GFOD1: variants seen among roughly 807,000 people sequenced by gnomAD.
The protein encoded by GFOD1 is glucose-fructose oxidoreductase domain-containing protein 1.
Under a neutral mutation model 25.4 loss-of-function variants are expected in GFOD1, and 9 were observed. That is an observed-to-expected ratio of 0.35 (90% CI 0.21 to 0.62). The LOEUF (loss-of-function observed/expected upper bound fraction) is 0.62, where lower values mean the gene tolerates loss of function less well. Among genes scored for constraint, GFOD1 ranks in the 20% least tolerant of loss-of-function variants. The pLI is 0.72. For synonymous variants in GFOD1, 253 were observed against 245.6 expected (o/e 1.03, Z -0.28); for missense variants, 403 against 556.9 (o/e 0.72, Z 2.78).
intron 1 of GFOD1, among the ~76,000 whole-genome samples, chr6:13,440,354 A>G (rs1012399173): frequency 3.9e-5 from 6 of 152,012 alleles, no homozygotes; most frequent in Non-Finnish European, 7.4e-5. Flanking sequence ...ACGCTCAGCT[A>G]ATTTTTGTAT....
chr6:13,480,221 G>C (rs1023495146), intron 1 of GFOD1, among the ~76,000 whole-genome samples: 4 of 152,216 alleles, frequency 2.6e-5, no homozygotes, highest in Non-Finnish European at 5.9e-5. Flanking sequence ...TGGAAACCCT[G>C]TGGCCTTACT....
At chr6:13,405,029 G>T (rs1475650798) in intron 1 of GFOD1, among the ~76,000 whole-genome samples, 3 of 152,166 alleles carry the variant, frequency 2.0e-5, no homozygotes, top group Non-Finnish European at 4.4e-5. Flanking sequence ...CCTTACATCA[G>T]TACCTGGTCC....
intron 1 of GFOD1, among the ~76,000 whole-genome samples, chr6:13,367,140 T>C (rs1467132835): frequency 1.3e-5 from 2 of 152,156 alleles, no homozygotes; most frequent in East Asian, 3.8e-4. Flanking sequence ...TGTATTATTA[T>C]TAAAAATCAT....
At chr6:13,449,338 T>A (rs1455037508) in intron 1 of GFOD1, among the ~76,000 whole-genome samples, 1 of 152,148 alleles carries the variant, frequency 6.6e-6, no homozygotes, top group Non-Finnish European at 1.5e-5. Context: ...GGTCCATAAA[T>A]GATGCGACAG....
At chr6:13,418,460 T>C (rs1786198272) in intron 1 of GFOD1, among the ~76,000 whole-genome samples, 1 of 152,214 alleles carries the variant, frequency 6.6e-6, no homozygotes, top group Non-Finnish European at 1.5e-5. Context: ...AAGTTTTATT[T>C]TTTTATCTCA....
chr6:13,386,006 G>A (rs1166531300), intron 1 of GFOD1, among the ~76,000 whole-genome samples: 1 of 151,118 alleles, frequency 6.6e-6, no homozygotes. Flanking sequence ...AAGACTCCAT[G>A]ACTCCATTCC....
chr6:13,408,211 A>ATT, intron 1 of GFOD1: 1 of 451,076 alleles, frequency 2.2e-6, no homozygotes, highest in Non-Finnish European at 2.9e-6. Context: ...CTTGGGCCAG[A>ATT]CTATGGCAGG....
At chr6:13,478,321 G>C (rs1247795843) in intron 1 of GFOD1, among the ~76,000 whole-genome samples, 3 of 152,100 alleles carry the variant, frequency 2.0e-5, no homozygotes, top group Admixed American at 6.6e-5. Context: ...TATATTTTTA[G>C]TAGAGACAGG....
intron 1 of GFOD1, among the ~76,000 whole-genome samples, chr6:13,388,040 G>A (rs145536995): frequency 0.011 from 1,694 of 152,216 alleles, 29 homozygotes; most frequent in African/African-American, 0.039. Context: ...AAAATACCTA[G>A]GAATCCAACT....
chr6:13,428,085 G>T (rs187618113), intron 1 of GFOD1, among the ~76,000 whole-genome samples: 3 of 152,316 alleles, frequency 2.0e-5, no homozygotes, highest in East Asian at 1.9e-4. Flanking sequence ...AGACTCACAG[G>T]TCTAAGCATC....
At chr6:13,373,304 G>C (rs1429280613) in intron 1 of GFOD1, among the ~76,000 whole-genome samples, 1 of 152,188 alleles carries the variant, frequency 6.6e-6, no homozygotes, top group Non-Finnish European at 1.5e-5. Flanking sequence ...GCATGCATAG[G>C]AGCTTGCCTA....
intron 1 of GFOD1, among the ~76,000 whole-genome samples, chr6:13,447,479 G>A (rs1265475612): frequency 6.6e-6 from 1 of 152,144 alleles, no homozygotes; most frequent in African/African-American, 2.4e-5. Context: ...GCTCACGCCT[G>A]TAATTCCAAC....
intron 1 of GFOD1, among the ~76,000 whole-genome samples, chr6:13,424,455 T>C (rs1378978034): frequency 3.3e-5 from 5 of 152,322 alleles, no homozygotes; most frequent in South Asian, 2.1e-4. Context: ...ACTTACCCCA[T>C]TGAGTACAAA....
At chr6:13,378,014 C>T (rs1785287686) in intron 1 of GFOD1, among the ~76,000 whole-genome samples, 1 of 152,110 alleles carries the variant, frequency 6.6e-6, no homozygotes, top group Non-Finnish European at 1.5e-5. Flanking sequence ...AGGGCCAGAG[C>T]CTCAGTCTTG....
rs57203835 is a variant in GFOD1 at position 13,486,258 on chromosome 6, C to G, written c.253+380G>C. 2.4e-5 allele frequency: 6 copies of G among 247,636 alleles called. No individual in the cohort carries two copies. The East Asian group carries it at 5.6e-4, about 23-fold the overall frequency. 15.3% of individuals were successfully genotyped at this position (247,636 alleles called of 1,614,324 possible). A position where few individuals can be genotyped will look rare whatever the true frequency, so the allele number is the denominator to read the frequency against. ...CCTCCACCCCCCCATCCCCCCCCCC[C>G]ACACACACACACTTGGACACTACAC... On this transcript the variant is annotated intron_variant, in intron 1 of 1. Transcript: ENST00000379287.
At chr6:13,417,947 A>G (rs1401129634) in intron 1 of GFOD1, among the ~76,000 whole-genome samples, 1 of 152,222 alleles carries the variant, frequency 6.6e-6, no homozygotes, top group Non-Finnish European at 1.5e-5. Context: ...ATTTTCATCA[A>G]TGCATGGGTG....
rs879817019 is a variant in GFOD1 at position 13,406,311 on chromosome 6, G to A, written c.254-40649C>T. The stretch of plus-strand genomic sequence containing the variant: ...TCTGGCTAATGGAAAATGAAACGCC[G>A]TTTGCTGTTTGTTTACCACATTACA... On this transcript the variant is annotated intron_variant, in intron 1 of 1. Transcript: ENST00000379287. 5.9e-5 allele frequency among the ~76,000 whole-genome samples: 9 copies of A among 152,264 alleles called. No homozygotes were observed. In the East Asian group the frequency reaches 9.7e-4, roughly 16 times the overall value.
intron 1 of GFOD1, among the ~76,000 whole-genome samples, chr6:13,396,383 C>T (rs1785732587): frequency 6.6e-6 from 1 of 152,156 alleles, no homozygotes; most frequent in Non-Finnish European, 1.5e-5. Flanking sequence ...TTCCAGTGCA[C>T]CTCTCAAAGT....
chr6:13,452,529 G>A (rs559887773), intron 1 of GFOD1, among the ~76,000 whole-genome samples: 2 of 152,256 alleles, frequency 1.3e-5, no homozygotes, highest in South Asian at 4.1e-4. Flanking sequence ...GTGAGGGCTC[G>A]CTCCCTTCCT....
Sources: allele counts gnomAD v4.1 joint callset (sites outside exome capture counted in the v4.1 genomes callset), GRCh38; gene constraint gnomAD v4.1.1; transcripts MANE v1.5; gene names NCBI Gene and HGNC (gene_info 2026-07-23, HGNC 2026-07-21).